The following ARID2 variants were observed in gnomAD, a reference collection of about 807,000 sequenced individuals.
The protein encoded by ARID2 is AT-rich interactive domain-containing protein 2.
A neutral mutation model predicts 184.6 loss-of-function variants in ARID2; 32 were observed. The observed-to-expected ratio is 0.17, with a 90% CI of 0.13 to 0.23. ARID2 has a LOEUF of 0.23. Ranked by LOEUF, ARID2 falls within the 10% of genes least tolerant of loss-of-function variation. ARID2 has a pLI of 1.00. For synonymous variants in ARID2, 836 were observed against 772.6 expected (o/e 1.08, Z -1.36); for missense variants, 1,696 against 2,197.6 (o/e 0.77, Z 4.56).
intron 20 of ARID2, among the ~76,000 whole-genome samples, chr12:45,900,273 C>G (rs1944441473): frequency 6.6e-6 from 1 of 152,090 alleles, no homozygotes; most frequent in Admixed American, 6.6e-5. Context: ...GTGGGCCAGG[C>G]TGGTCCTCAA....
At chr12:45,763,164 A>T (rs569777832) in intron 3 of ARID2, among the ~76,000 whole-genome samples, 1 of 152,324 alleles carries the variant, frequency 6.6e-6, no homozygotes, top group South Asian at 2.1e-4. Context: ...GTAATAGTAA[A>T]TTCCATTAAA....
intron 3 of ARID2, among the ~76,000 whole-genome samples, chr12:45,782,693 C>G (rs1449599335): frequency 6.6e-6 from 1 of 152,018 alleles, no homozygotes; most frequent in South Asian, 2.1e-4. Flanking sequence ...TATATACTAA[C>G]AAGTGGCAGA....
chr12:45,887,188 A>G (rs770161749), intron 16 of ARID2, among the ~76,000 whole-genome samples: 5 of 152,238 alleles, frequency 3.3e-5, no homozygotes, highest in Admixed American at 6.5e-5. Context: ...TTTCACTGCA[A>G]TGATTTAAAT....
At chr12:45,771,235 G>A (rs963497593) in intron 3 of ARID2, among the ~76,000 whole-genome samples, 6 of 152,074 alleles carry the variant, frequency 3.9e-5, no homozygotes, top group South Asian at 2.1e-4. Context: ...GCTCACGCCT[G>A]TGATCCCAAC....
intron 3 of ARID2, among the ~76,000 whole-genome samples, chr12:45,737,820 C>G (rs1291737101): frequency 6.6e-6 from 1 of 152,142 alleles, no homozygotes; most frequent in Non-Finnish European, 1.5e-5. Context: ...ACAAAACCTC[C>G]AGGTGACATC....
intron 3 of ARID2, among the ~76,000 whole-genome samples, chr12:45,799,421 T>G (rs1316397980): frequency 6.6e-6 from 1 of 152,226 alleles, no homozygotes; most frequent in East Asian, 1.9e-4. Flanking sequence ...TCATGATCCC[T>G]TATTTTAAAA....
At chr12:45,873,052 T>C (rs1943950407) in intron 16 of ARID2, among the ~76,000 whole-genome samples, 1 of 152,238 alleles carries the variant, frequency 6.6e-6, no homozygotes, top group Non-Finnish European at 1.5e-5. Flanking sequence ...TGATGCTTTA[T>C]GTTCAGTACA....
chr12:45,888,422 C>T (rs1349705973), intron 16 of ARID2, among the ~76,000 whole-genome samples: 2 of 152,092 alleles, frequency 1.3e-5, no homozygotes, highest in Non-Finnish European at 2.9e-5. Flanking sequence ...TAGTTGTGAG[C>T]GATAGTGAGT....
intron 3 of ARID2, among the ~76,000 whole-genome samples, chr12:45,799,947 T>C (rs1477371761): frequency 6.6e-6 from 1 of 152,160 alleles, no homozygotes; most frequent in African/African-American, 2.4e-5. Flanking sequence ...CTTCCCAGGC[T>C]CAAGTGATTC....
intron 6 of ARID2, among the ~76,000 whole-genome samples, chr12:45,831,240 C>G (rs1943116928): frequency 6.6e-6 from 1 of 152,048 alleles, no homozygotes; most frequent in Admixed American, 6.6e-5. Context: ...TATGTACATT[C>G]TAATACATAC....
intron 3 of ARID2, 88 bp downstream of exon 3, chr12:45,731,402 A>ACG: frequency 1.2e-6 from 1 of 866,412 alleles, no homozygotes; most frequent in Non-Finnish European, 1.9e-6. Flanking sequence ...CAAACCTTGC[A>ACG]CACCAAACAG....
intron 6 of ARID2, among the ~76,000 whole-genome samples, chr12:45,823,016 A>G (rs530168118): frequency 3.9e-5 from 6 of 152,286 alleles, no homozygotes; most frequent in South Asian, 2.1e-4. Context: ...TGTAGAATAT[A>G]CATTCTTCTC....
intron 3 of ARID2, among the ~76,000 whole-genome samples, chr12:45,774,113 AT>A (rs1941931894): frequency 6.6e-6 from 1 of 152,172 alleles, no homozygotes. Context: ...TTGAAGGCAG[AT>A]TATTGATTAT....
At position 45,907,494 on chromosome 12, in the gene ARID2, TCAG is replaced by T; in HGVS notation, c.*2420_*2422del. On this transcript the variant is annotated 3_prime_UTR_variant, in exon 21 of 21. Coordinates refer to ENST00000334344, the MANE Select transcript of ARID2 (RefSeq NM_152641.4). The stretch of plus-strand genomic sequence containing the variant: ...GACTGTAGCCTTTTAAGCTTCAGTC[TCAG>T]CAGAGAATTTCCTAAATGCGTTTGA... 4.3e-6 allele frequency: 1 copy of T among 233,370 alleles called. No homozygotes were observed. The highest frequency in any genetic ancestry group is 1.8e-4 in the South Asian group (1 of 5,526). The allele number at this position is 233,370 out of a possible 1,614,324, so 14.5% of individuals were successfully genotyped here. A position where few individuals can be genotyped will look rare whatever the true frequency, so the allele number is the denominator to read the frequency against.
chr12:45,811,187 C>T (rs868223086), intron 3 of ARID2, among the ~76,000 whole-genome samples: 5 of 146,236 alleles, frequency 3.4e-5, no homozygotes, highest in East Asian at 4.1e-4. Flanking sequence ...CCAGCCTGGG[C>T]GACAGAGCGA....
At chr12:45,839,705 A>G (rs1030425980) in intron 11 of ARID2, 3 of 444,858 alleles carry the variant, frequency 6.7e-6, no homozygotes, top group Non-Finnish European at 1.2e-5. Context: ...ATAGTATAAT[A>G]GGAAAATTAA....
chr12:45,807,327 A>G (rs1942620436), intron 3 of ARID2, among the ~76,000 whole-genome samples: 1 of 152,096 alleles, frequency 6.6e-6, no homozygotes, highest in South Asian at 2.1e-4. Context: ...ATACAGAGTT[A>G]ATTTTTTTTC....
At chr12:45,896,643 G>T (rs1944371404) in intron 20 of ARID2, among the ~76,000 whole-genome samples, 1 of 152,138 alleles carries the variant, frequency 6.6e-6, no homozygotes, top group Non-Finnish European at 1.5e-5. Flanking sequence ...TTTGTAAATT[G>T]CCCAGTCTTG....
chr12:45,828,751 C>A (rs960361691), intron 6 of ARID2, among the ~76,000 whole-genome samples: 4 of 151,904 alleles, frequency 2.6e-5, no homozygotes, highest in African/African-American at 9.7e-5. Context: ...TTGATAGCTT[C>A]TTTTAGGCAG....
Sources: gnomAD v4.1 joint callset for allele counts (sites outside exome capture counted in the v4.1 genomes callset) on GRCh38, gnomAD v4.1.1 for gene constraint, MANE v1.5 for transcripts, NCBI Gene and HGNC (gene_info 2026-07-23, HGNC 2026-07-21) for gene names.